TCF20: variants seen among roughly 807,000 people sequenced by gnomAD.
TCF20 encodes transcription factor 20, also known as SPRE-binding protein.
TCF20 carries 3 observed loss-of-function variants against 148.6 expected under a neutral mutation model. The observed-to-expected ratio is 0.02, with a 90% CI of 0.01 to 0.05. The LOEUF (loss-of-function observed/expected upper bound fraction) is 0.05. TCF20 is among the 10% of genes least tolerant of loss of function. The pLI is 1.00. For missense variants in TCF20, 2,350 were observed against 2,429.3 expected, an observed-to-expected ratio of 0.97 and a Z score of 0.69; for synonymous variants, 1,049 against 909.5, an observed-to-expected ratio of 1.15 and a Z score of -2.76.
In TCF20 at chr22:42,211,153, T is replaced by C. The variant is rs758487201; in HGVS notation, c.4153A>G (p.Ile1385Val). Reference sequence around the variant, plus strand: ...GGAGGACCACTCTTCAAAGACAGTATATCATCAAGCGTAACCGTGTCTCCC... The same window carrying C: ...GGAGGACCACTCTTCAAAGACAGTACATCATCAAGCGTAACCGTGTCTCCC... ...AGGDTVTLDD[I>V]LSLKSGPPEG... The change falls in exon 2 of 6, where the codon ATA becomes GTA. Residue 1385 changes from isoleucine (I) to valine (V), a missense_variant. Ile to Val is a conservative substitution (Grantham distance 29, BLOSUM62 3). This residue lies in a region of TCF20 where 231 missense variants were observed against 213.7 expected (regional missense o/e 1.08). Transcript: ENST00000677622. The C allele has an allele frequency of 1.5e-5, 24 of 1,614,072 alleles. No individual in the cohort carries two copies. The highest frequency in any genetic ancestry group is 1.8e-5 in the Non-Finnish European group (21 of 1,180,046).
In TCF20 at chr22:42,210,972, A is replaced by G. The variant is rs754475404; in HGVS notation, c.4334T>C (p.Val1445Ala). 6.2e-7 allele frequency: 1 copy of G among 1,613,866 alleles called. No homozygotes were observed. The highest frequency in any genetic ancestry group is 1.3e-5 in the African/African-American group (1 of 74,846). ...EEWRGSVDDK[V>A]KTETHAETVT... ...TGTTTCTGCATGTGTCTCTGTCTTCACTTTGTCATCCACGCTGCCACGCCA... is the reference window on the plus strand; with the variant it reads ...TGTTTCTGCATGTGTCTCTGTCTTCGCTTTGTCATCCACGCTGCCACGCCA... Residue 1445 changes from valine (V) to alanine (A), a missense_variant, in exon 2 of 6, where the codon GTG (valine) becomes GCG (alanine). By Grantham distance (64) the Val-to-Ala change is moderately conservative. Around this residue, in one of 7 missense-constraint regions of TCF20, gnomAD observed 231 missense variants for 213.7 expected, o/e 1.08. Transcript: ENST00000677622. The surrounding 1 kb of genome is among the most constrained non-coding windows in gnomAD (Gnocchi z 4.7).
chr22:42,333,559 G>C (rs1928014843), intron 1 of TCF20, among the ~76,000 whole-genome samples: 1 of 152,246 alleles, frequency 6.6e-6, no homozygotes, highest in Non-Finnish European at 1.5e-5. Context: ...TTTCGGTAAG[G>C]AACCAGTGGT....
At position 42,317,677 on chromosome 22, in the gene TCF20, G is replaced by A. The variant is rs111716610; in HGVS notation, c.-37+25802C>T. Among the ~76,000 whole-genome samples the A allele has an allele frequency of 7.9e-4, 121 of 152,302 alleles. No individual in the cohort carries two copies. Among genetic ancestry groups the A allele is most frequent in the Middle Eastern group, 3.4e-3 (1 of 294 alleles). ...GGGGGAAAGGGGTGTAGACTCAGCC[G>A]CAGGACAGCGGGAGGGTGGGGGTTC... On this transcript the variant is annotated intron_variant, in intron 1 of 1. Transcript: ENST00000515426. The surrounding 1 kb of genome is among the most constrained non-coding windows in gnomAD (Gnocchi z 4.2).
chr22:42,224,492 A>G (rs17173779), intron 1 of TCF20, among the ~76,000 whole-genome samples: 2,221 of 147,952 alleles, frequency 0.015, 67 homozygotes, highest in African/African-American at 0.052. Flanking sequence ...AAAAAATTTA[A>G]AAGATGATAT....
At chr22:42,277,961 C>A (rs774137131) in intron 1 of TCF20, among the ~76,000 whole-genome samples, 29 of 152,250 alleles carry the variant, frequency 1.9e-4, no homozygotes, top group Non-Finnish European at 4.0e-4. Flanking sequence ...CAAAAACATA[C>A]GTGGGTTGAA....
Position 42,335,764 on chromosome 22 carries a change from C to A in TCF20, c.-37+7715G>T, listed in dbSNP as rs534529320. On this transcript the variant is annotated intron_variant, in intron 1 of 1. Transcript: ENST00000515426. The stretch of plus-strand genomic sequence containing the variant: ...AAGCACAGGACGTGAGACTAGGGAG[C>A]CAGTAGGGTGGCAAGGGGGTGACAG... Among the ~76,000 whole-genome samples, 3 of 152,232 alleles carry A rather than the reference C, an allele frequency of 2.0e-5. No homozygotes were observed. The South Asian group carries it at 6.2e-4, about 32-fold the overall frequency.
chr22:42,213,434 A>T lies in TCF20; in HGVS notation c.1872T>A (p.Asp624Glu). 1 of 1,614,012 alleles carries T rather than the reference A, an allele frequency of 6.2e-7. No individual in the cohort carries two copies. The highest frequency in any genetic ancestry group is 1.1e-5 in the South Asian group (1 of 91,064). The change falls in exon 2 of 6, where the codon GAT becomes GAA. Residue 624 changes from aspartate to glutamate, a missense_variant. Coordinates refer to ENST00000677622, the MANE Select transcript of TCF20 (RefSeq NM_001378418.1). The part of the protein sequence containing the change: ...TGRVEKPGGQ[D>E]KGSQEDDPAA... ...CAGGATCATCCTCTTGGGAGCCTTTATCTTGTCCACCAGGCTTTTCTACCC... is the reference window on the plus strand; with the variant it reads ...CAGGATCATCCTCTTGGGAGCCTTTTTCTTGTCCACCAGGCTTTTCTACCC...
At chr22:42,224,089 C>G (rs1384839227) in intron 1 of TCF20, among the ~76,000 whole-genome samples, 1 of 152,060 alleles carries the variant, frequency 6.6e-6, no homozygotes, top group Non-Finnish European at 1.5e-5. Flanking sequence ...TGTCAAAACT[C>G]ATATTAGCCA....
chr22:42,169,064 T>C (rs1027282546), intron 4 of TCF20, among the ~76,000 whole-genome samples: 2 of 151,774 alleles, frequency 1.3e-5, no homozygotes, highest in African/African-American at 4.8e-5. Context: ...CAGACCTCTC[T>C]GGACAACCTC....
At chr22:42,220,277 C>G (rs1293434466) in intron 1 of TCF20, among the ~76,000 whole-genome samples, 1 of 152,184 alleles carries the variant, frequency 6.6e-6, no homozygotes, top group East Asian at 1.9e-4. Flanking sequence ...AGGCAATCCT[C>G]CTGCCTCAGC....
upstream of TCF20, among the ~76,000 whole-genome samples, chr22:42,284,075 C>T (rs1220753546): frequency 6.6e-6 from 1 of 152,170 alleles, no homozygotes; most frequent in Non-Finnish European, 1.5e-5. Flanking sequence ...CGGCCCCTGC[C>T]GATCTCACCT....
At chr22:42,263,851 G>T (rs944953016) in intron 1 of TCF20, among the ~76,000 whole-genome samples, 2 of 152,122 alleles carry the variant, frequency 1.3e-5, no homozygotes, top group African/African-American at 2.4e-5. Flanking sequence ...AACTATGCTG[G>T]TAAGAGCGTG....
intron 2 of TCF20, among the ~76,000 whole-genome samples, chr22:42,194,936 C>T (rs1937517241): frequency 6.6e-6 from 1 of 151,712 alleles, no homozygotes; most frequent in Non-Finnish European, 1.5e-5. Context: ...TAGACCATGC[C>T]TCCCAGCACT....
At chr22:42,188,059 C>T (rs1937130113) in intron 2 of TCF20, among the ~76,000 whole-genome samples, 1 of 151,806 alleles carries the variant, frequency 6.6e-6, no homozygotes, top group East Asian at 1.9e-4. Flanking sequence ...TTTGTGAGGC[C>T]GAGGCAGGCG....
chr22:42,300,552 C>T (rs1005956392), intron 1 of TCF20, among the ~76,000 whole-genome samples: 1 of 152,160 alleles, frequency 6.6e-6, no homozygotes, highest in Non-Finnish European at 1.5e-5. Flanking sequence ...CAGGGACACA[C>T]ACAGTGAGTG....
At chr22:42,263,457 T>C (rs1449140993) in intron 1 of TCF20, among the ~76,000 whole-genome samples, 2 of 152,210 alleles carry the variant, frequency 1.3e-5, no homozygotes, top group African/African-American at 4.8e-5. Flanking sequence ...CTGGCTTCCC[T>C]GAAACTGAGG....
intron 1 of TCF20, among the ~76,000 whole-genome samples, chr22:42,326,787 A>G (rs1197067905): frequency 1.3e-5 from 2 of 152,260 alleles, no homozygotes; most frequent in African/African-American, 2.4e-5. Flanking sequence ...CCAGAGCAGC[A>G]TCAACCTTGC....
At chr22:42,327,616 C>T (rs1285994140) in intron 1 of TCF20, among the ~76,000 whole-genome samples, 1 of 151,932 alleles carries the variant, frequency 6.6e-6, no homozygotes, top group Non-Finnish European at 1.5e-5. Context: ...GGACAGTGAG[C>T]CCATTTTATA....
chr22:42,179,830 G>C, intron 2 of TCF20, 128 bp from the exon 3 acceptor site: 3 of 654,842 alleles, frequency 4.6e-6, no homozygotes, highest in South Asian at 1.7e-5. Flanking sequence ...GTGGTGGCAG[G>C]ATGAGCTGGT....
Sources: allele counts gnomAD v4.1 joint callset (sites outside exome capture counted in the v4.1 genomes callset), GRCh38; gene constraint gnomAD v4.1.1; regional missense constraint gnomAD v4.1.1; non-coding constraint Gnocchi (gnomAD v3.1); transcripts MANE v1.5; gene names NCBI Gene and HGNC (gene_info 2026-07-23, HGNC 2026-07-21).